Variants in ANO3 observed in about 807,000 individuals in gnomAD.
ANO3 encodes anoctamin 3.
Under a neutral mutation model 144.8 loss-of-function variants are expected in ANO3, and 99 were observed. That is an observed-to-expected ratio of 0.68 (90% CI 0.58 to 0.81). The LOEUF (loss-of-function observed/expected upper bound fraction) is 0.81, where lower values mean the gene tolerates loss of function less well. Ranked by LOEUF, ANO3 falls within the 30% of genes least tolerant of loss-of-function variation. The probability of loss-of-function intolerance (pLI) is 0.00; values close to 1 mark genes in which losing one functional copy is unlikely to be tolerated. For synonymous variants in ANO3, 414 were observed against 392.6 expected (o/e 1.05, Z -0.64); for missense variants, 905 against 1,202.2 (o/e 0.75, Z 3.66).
chr11:26,491,522 A>G (rs573279568), intron 4 of ANO3, among the ~76,000 whole-genome samples: 1 of 152,328 alleles, frequency 6.6e-6, no homozygotes. Context: ...TGAGCAAGGG[A>G]AACATCTCAG....
In ANO3 at chr11:26,374,539, G is replaced by A. The variant is rs754390342; in HGVS notation, c.46+42218G>A. On this transcript the variant is annotated intron_variant, in intron 1 of 26. Transcript: ENST00000256737. ...TTCTGATAAAGGGAAACAAAAATTA[G>A]TAATAATCATTTGCCATTTTAATTA... Among the ~76,000 whole-genome samples, 103 of 152,124 alleles carry A rather than the reference G, an allele frequency of 6.8e-4. 2 individuals carry two copies. The highest frequency in any genetic ancestry group is 4.1e-4 in the Non-Finnish European group (28 of 68,018).
chr11:26,245,200 C>T (rs1350070848), intron 1 of ANO3, among the ~76,000 whole-genome samples: 2 of 152,148 alleles, frequency 1.3e-5, no homozygotes, highest in Non-Finnish European at 2.9e-5. Context: ...TCAGGAGGCA[C>T]ATGATGTCAA....
intron 1 of ANO3, among the ~76,000 whole-genome samples, chr11:26,429,094 G>T (rs904571331): frequency 1.3e-5 from 2 of 152,056 alleles, no homozygotes; most frequent in Non-Finnish European, 2.9e-5. Flanking sequence ...TTCCTCTCTG[G>T]TGCTGGTAAG....
chr11:26,619,435 G>C (rs1852350938), intron 17 of ANO3, among the ~76,000 whole-genome samples: 1 of 151,842 alleles, frequency 6.6e-6, no homozygotes, highest in South Asian at 2.1e-4. Flanking sequence ...AAATCACCTG[G>C]AACACTTTTG....
At chr11:26,541,285 G>T (rs777741566) in intron 10 of ANO3, among the ~76,000 whole-genome samples, 1 of 152,174 alleles carries the variant, frequency 6.6e-6, no homozygotes, top group South Asian at 2.1e-4. Context: ...TCACACAATG[G>T]GGCCAGTTCG....
chr11:26,466,160 G>C (rs2134063063), intron 4 of ANO3, among the ~76,000 whole-genome samples: 1 of 151,818 alleles, frequency 6.6e-6, no homozygotes, highest in South Asian at 2.1e-4. Flanking sequence ...AATAGCTTTT[G>C]CTATCCAAGT....
chr11:26,431,961 A>G (rs1858108460), intron 1 of ANO3, among the ~76,000 whole-genome samples: 1 of 152,060 alleles, frequency 6.6e-6, no homozygotes, highest in Admixed American at 6.6e-5. Flanking sequence ...TCTTTTTTTT[A>G]GCTCTTTGAG....
At chr11:26,217,271 G>A (rs1214539933) in intron 1 of ANO3, among the ~76,000 whole-genome samples, 1 of 151,994 alleles carries the variant, frequency 6.6e-6, no homozygotes, top group Non-Finnish European at 1.5e-5. Context: ...GTTACAAACA[G>A]GTAATAACTT....
chr11:26,293,495 G>T (rs1349151965), intron 1 of ANO3, among the ~76,000 whole-genome samples: 1 of 127,786 alleles, frequency 7.8e-6, no homozygotes, highest in Non-Finnish European at 1.6e-5. Context: ...ATGCTCAAAA[G>T]AATCAATTTC....
chr11:26,418,964 T>G (rs1012408951), intron 1 of ANO3, among the ~76,000 whole-genome samples: 2 of 152,112 alleles, frequency 1.3e-5, no homozygotes, highest in Non-Finnish European at 1.5e-5. Context: ...TATTAGTCTA[T>G]TCTCACACTG....
rs1852492898 is a variant in ANO3 at position 26,235,191 on chromosome 11, A to C, written c.154+45861A>C. On this transcript the variant is annotated intron_variant, in intron 1 of 27. Coordinates refer to the ANO3 transcript ENST00000672621. ...TGGAAATGCCCTCACAGATAAATCCAGTAATAATGTTTAACCAGGTATCTG... is the reference window on the plus strand; with the variant it reads ...TGGAAATGCCCTCACAGATAAATCCCGTAATAATGTTTAACCAGGTATCTG... Among the ~76,000 whole-genome samples, 3 of 152,350 alleles carry C rather than the reference A, an allele frequency of 2.0e-5. No individual in the cohort carries two copies. In the South Asian group the frequency reaches 6.2e-4, roughly 32 times the overall value.
chr11:26,394,903 A>G (rs537054286), intron 1 of ANO3, among the ~76,000 whole-genome samples: 2 of 152,240 alleles, frequency 1.3e-5, no homozygotes, highest in Non-Finnish European at 2.9e-5. Context: ...ATTGATTTCT[A>G]TAGATTTTCA....
intron 1 of ANO3, among the ~76,000 whole-genome samples, chr11:26,378,940 T>A (rs1856497980): frequency 6.9e-6 from 1 of 144,024 alleles, no homozygotes; most frequent in African/African-American, 2.6e-5. Flanking sequence ...TCATTGGATA[T>A]ACTTTGAACA....
chr11:26,358,277 T>C (rs1381413505), intron 1 of ANO3, among the ~76,000 whole-genome samples: 1 of 150,456 alleles, frequency 6.6e-6, no homozygotes, highest in Non-Finnish European at 1.5e-5. Flanking sequence ...GTTCAAGCGA[T>C]TCTCCTGCCT....
chr11:26,571,895 C>A (rs1850841747), intron 14 of ANO3: 1 of 172,194 alleles, frequency 5.8e-6, no homozygotes, highest in Admixed American at 6.5e-5. Flanking sequence ...CTACTTGTCT[C>A]TGCAAGGATT....
At chr11:26,441,355 G>A (rs1296375107) in intron 1 of ANO3, among the ~76,000 whole-genome samples, 1 of 151,220 alleles carries the variant, frequency 6.6e-6, no homozygotes. Context: ...CTGACCTTGT[G>A]ATCCGCCCGC....
chr11:26,270,184 A>G (rs1039107896), intron 1 of ANO3, among the ~76,000 whole-genome samples: 14 of 152,188 alleles, frequency 9.2e-5, no homozygotes, highest in African/African-American at 3.1e-4. Context: ...CATGATTAGG[A>G]ACCCTGTTCT....
intron 1 of ANO3, among the ~76,000 whole-genome samples, chr11:26,296,470 AAAATAT>A (rs1470291700): frequency 6.6e-6 from 1 of 152,220 alleles, no homozygotes; most frequent in Non-Finnish European, 1.5e-5. Flanking sequence ...TGAGGGAGAG[AAAATAT>A]AATATGACTT....
chr11:26,191,519 T>A (rs997358400), intron 1 of ANO3, among the ~76,000 whole-genome samples: 6 of 152,116 alleles, frequency 3.9e-5, no homozygotes, highest in Admixed American at 6.5e-5. Flanking sequence ...AGGAAATATT[T>A]CCCGAAGCAC....
Sources: allele counts gnomAD v4.1 joint callset (sites outside exome capture counted in the v4.1 genomes callset), GRCh38; gene constraint gnomAD v4.1.1; transcripts MANE v1.5; gene names NCBI Gene and HGNC (gene_info 2026-07-23, HGNC 2026-07-21).